The following CHSY3 variants were observed in gnomAD, a reference collection of about 807,000 sequenced individuals.
CHSY3 encodes N-acetylgalactosaminyl-proteoglycan 3-beta-glucuronosyltransferase 3.
In CHSY3, 35 loss-of-function variants were observed where a neutral mutation model predicts 67.2. That is an observed-to-expected ratio of 0.52 (90% CI 0.40 to 0.69). The LOEUF is 0.69. Among genes scored for constraint, CHSY3 ranks in the 30% least tolerant of loss-of-function variants. The pLI is 0.00. For missense variants in CHSY3, 1,069 were observed against 1,138.5 expected, an observed-to-expected ratio of 0.94 and a Z score of 0.88; for synonymous variants, 474 against 434.7, an observed-to-expected ratio of 1.09 and a Z score of -1.12.
chr5:129,956,234 C>G (rs186515346), intron 2 of CHSY3, among the ~76,000 whole-genome samples: 2 of 152,064 alleles, frequency 1.3e-5, no homozygotes, highest in Non-Finnish European at 2.9e-5. Context: ...ACCATTCTGA[C>G]TGGTAGTATT....
intron 2 of CHSY3, among the ~76,000 whole-genome samples, chr5:130,127,124 G>A (rs1768319156): frequency 6.6e-6 from 1 of 152,156 alleles, no homozygotes; most frequent in Non-Finnish European, 1.5e-5. Flanking sequence ...TTTTCCAAGT[G>A]TATATTATCA....
chr5:130,134,323 A>T (rs1001651970), intron 2 of CHSY3, among the ~76,000 whole-genome samples: 11 of 152,256 alleles, frequency 7.2e-5, no homozygotes, highest in African/African-American at 2.7e-4. Flanking sequence ...TTAAAACTTT[A>T]GAAGAGGAGC....
intron 2 of CHSY3, among the ~76,000 whole-genome samples, chr5:129,993,133 C>G (rs899997124): frequency 2.6e-5 from 4 of 152,118 alleles, no homozygotes; most frequent in Non-Finnish European, 2.9e-5. Context: ...GAAAATTAAG[C>G]TCAAAGCTTA....
chr5:130,103,273 G>A (rs1254842009), intron 2 of CHSY3, among the ~76,000 whole-genome samples: 2 of 151,880 alleles, frequency 1.3e-5, no homozygotes, highest in South Asian at 4.1e-4. Context: ...TGCAGGAGAC[G>A]GGTCATACAC....
At chr5:130,145,307 A>C (rs1191411549) in intron 2 of CHSY3, among the ~76,000 whole-genome samples, 2 of 152,186 alleles carry the variant, frequency 1.3e-5, no homozygotes, top group East Asian at 3.8e-4. Context: ...GCTATGTCTA[A>C]CTGATTTTTG....
At chr5:130,000,462 G>C (rs1317070324) in intron 2 of CHSY3, among the ~76,000 whole-genome samples, 1 of 152,074 alleles carries the variant, frequency 6.6e-6, no homozygotes, top group Non-Finnish European at 1.5e-5. Context: ...TCTAACATGG[G>C]TCTATATTCA....
At chr5:129,990,996 A>G (rs1459777513) in intron 2 of CHSY3, among the ~76,000 whole-genome samples, 1 of 152,116 alleles carries the variant, frequency 6.6e-6, no homozygotes, top group Non-Finnish European at 1.5e-5. Flanking sequence ...AAGTTTAAGG[A>G]TGCCAGGAAA....
intron 2 of CHSY3, among the ~76,000 whole-genome samples, chr5:130,000,981 G>T (rs1009804064): frequency 6.7e-6 from 1 of 150,348 alleles, no homozygotes; most frequent in Non-Finnish European, 1.5e-5. Flanking sequence ...ACCTCAGCCT[G>T]CAGGGTTCAA....
chr5:129,993,417 G>A (rs1763429676), intron 2 of CHSY3, among the ~76,000 whole-genome samples: 1 of 152,076 alleles, frequency 6.6e-6, no homozygotes, highest in African/African-American at 2.4e-5. Flanking sequence ...TATATATTTA[G>A]GATAGTTAGC....
chr5:130,012,159 A>G (rs1288473204), intron 2 of CHSY3, among the ~76,000 whole-genome samples: 1 of 152,232 alleles, frequency 6.6e-6, no homozygotes, highest in Non-Finnish European at 1.5e-5. Context: ...ATAAGCAAAC[A>G]GAACAAAGCC....
At chr5:130,119,079 G>A (rs1042012996) in intron 2 of CHSY3, among the ~76,000 whole-genome samples, 7 of 152,244 alleles carry the variant, frequency 4.6e-5, no homozygotes, top group African/African-American at 1.7e-4. Context: ...AGGAAGTTGA[G>A]GAAATGTGGT....
At chr5:130,038,294 C>T (rs1389715067) in intron 2 of CHSY3, among the ~76,000 whole-genome samples, 1 of 152,012 alleles carries the variant, frequency 6.6e-6, no homozygotes, top group Non-Finnish European at 1.5e-5. Flanking sequence ...TTATGTTTCT[C>T]TATTTGAAAA....
At chr5:130,118,784 A>C (rs1020922101) in intron 2 of CHSY3, among the ~76,000 whole-genome samples, 1 of 152,040 alleles carries the variant, frequency 6.6e-6, no homozygotes, top group Admixed American at 6.6e-5. Context: ...GCTTTACCTA[A>C]GTGTCCATGA....
At chr5:130,110,261 C>A (rs988742827) in intron 2 of CHSY3, among the ~76,000 whole-genome samples, 1 of 151,768 alleles carries the variant, frequency 6.6e-6, no homozygotes, top group African/African-American at 2.4e-5. Context: ...TTCCTGACAA[C>A]AAAATTTGAC....
At chr5:130,004,203 T>C (rs1046700944) in intron 2 of CHSY3, among the ~76,000 whole-genome samples, 2 of 152,236 alleles carry the variant, frequency 1.3e-5, no homozygotes, top group Non-Finnish European at 2.9e-5. Context: ...TCATTTGTTT[T>C]TGTATCTTCC....
At chr5:129,955,131 T>C (rs1762135166) in intron 2 of CHSY3, among the ~76,000 whole-genome samples, 1 of 152,180 alleles carries the variant, frequency 6.6e-6, no homozygotes, top group Non-Finnish European at 1.5e-5. Context: ...CCTCCCAAAG[T>C]GTTGGGATTA....
At chr5:129,954,931 C>T (rs4543305) in intron 2 of CHSY3, among the ~76,000 whole-genome samples, 126 of 152,192 alleles carry the variant, frequency 8.3e-4, no homozygotes, top group East Asian at 1.7e-3. Flanking sequence ...TGCCGTGGCG[C>T]GATCTTGGCT....
At chr5:130,141,856 G>C (rs760550401) in intron 2 of CHSY3, 1 of 308,744 alleles carries the variant, frequency 3.2e-6, no homozygotes, top group South Asian at 2.8e-5. Context: ...CCAGAGTACA[G>C]GAGGCACACC....
At chr5:130,004,681 G>T (rs1027318102) in intron 2 of CHSY3, among the ~76,000 whole-genome samples, 4 of 152,008 alleles carry the variant, frequency 2.6e-5, no homozygotes, top group African/African-American at 7.2e-5. Flanking sequence ...TTATTTGCAG[G>T]TTTCTAATAA....
Sources: gnomAD v4.1 joint callset for allele counts (sites outside exome capture counted in the v4.1 genomes callset) on GRCh38, gnomAD v4.1.1 for gene constraint, MANE v1.5 for transcripts, NCBI Gene and HGNC (gene_info 2026-07-23, HGNC 2026-07-21) for gene names.